The following UBE2E3 variants were observed in gnomAD, a reference collection of about 807,000 sequenced individuals.
UBE2E3 encodes ubiquitin conjugating enzyme E2 E3, also known as ubiquitin-conjugating enzyme E2 E3.
A neutral mutation model predicts 23.6 loss-of-function variants in UBE2E3; 5 were observed. The ratio of observed to expected loss-of-function variants is 0.21; its 90% CI spans 0.11 to 0.44. The LOEUF (loss-of-function observed/expected upper bound fraction) is 0.44, where lower values mean the gene tolerates loss of function less well. Among genes scored for constraint, UBE2E3 ranks in the 20% least tolerant of loss-of-function variants. UBE2E3 has a pLI of 0.99. For missense variants in UBE2E3, 81 were observed against 249.8 expected, an observed-to-expected ratio of 0.32 and a Z score of 4.55; for synonymous variants, 78 against 87.5, an observed-to-expected ratio of 0.89 and a Z score of 0.60.
chr2:181,062,581 TC>T, intron 5 of UBE2E3, among the ~76,000 whole-genome samples: 1 of 59,760 alleles, frequency 1.7e-5, no homozygotes, highest in South Asian at 7.9e-4. Context: ...AGCTCAAAAT[TC>T]ATTTTTTTTT....
intron 3 of UBE2E3, among the ~76,000 whole-genome samples, chr2:181,051,003 T>G (rs888548581): frequency 6.6e-6 from 1 of 151,846 alleles, no homozygotes; most frequent in African/African-American, 2.4e-5. Flanking sequence ...TAAAACTATA[T>G]ATAGTTGAAG....
chr2:181,060,358 C>T (rs1687107979), intron 4 of UBE2E3, among the ~76,000 whole-genome samples: 1 of 151,692 alleles, frequency 6.6e-6, no homozygotes, highest in African/African-American at 2.4e-5. Context: ...TGTACACACA[C>T]AGTTGTATAT....
intron 3 of UBE2E3, among the ~76,000 whole-genome samples, chr2:181,032,014 A>G (rs1686094026): frequency 6.6e-6 from 1 of 152,188 alleles, no homozygotes; most frequent in African/African-American, 2.4e-5. Flanking sequence ...GTATTCTGCA[A>G]TGGAAAACCA....
At chr2:181,041,701 G>C (rs562858140) in intron 3 of UBE2E3, among the ~76,000 whole-genome samples, 1 of 57,906 alleles carries the variant, frequency 1.7e-5, no homozygotes, top group Non-Finnish European at 3.2e-5. Context: ...CTCCCAGAGT[G>C]CTGGGATTGA....
intron 3 of UBE2E3, among the ~76,000 whole-genome samples, chr2:181,046,509 C>T (rs1168992138): frequency 6.6e-6 from 1 of 152,064 alleles, no homozygotes; most frequent in Non-Finnish European, 1.5e-5. Context: ...CTAATCATAG[C>T]CTGTCTTAAA....
At chr2:180,986,053 C>T (rs1231449363) in intron 3 of UBE2E3, among the ~76,000 whole-genome samples, 1 of 152,052 alleles carries the variant, frequency 6.6e-6, no homozygotes, top group East Asian at 1.9e-4. Context: ...CATTTAAGTC[C>T]TTGAAATAAT....
chr2:181,037,494 ATGTT>A (rs1559130714), intron 3 of UBE2E3, among the ~76,000 whole-genome samples: 1 of 152,174 alleles, frequency 6.6e-6, no homozygotes, highest in Non-Finnish European at 1.5e-5. Flanking sequence ...GCTAATGTGT[ATGTT>A]TGTGTCTTAG....
chr2:181,012,660 C>G (rs1237739964), intron 3 of UBE2E3, among the ~76,000 whole-genome samples: 1 of 152,140 alleles, frequency 6.6e-6, no homozygotes, highest in Non-Finnish European at 1.5e-5. Context: ...GCAGTATATT[C>G]TGTGTAAACT....
At chr2:181,006,614 G>A (rs948558441) in intron 3 of UBE2E3, among the ~76,000 whole-genome samples, 1 of 151,958 alleles carries the variant, frequency 6.6e-6, no homozygotes, top group Non-Finnish European at 1.5e-5. Flanking sequence ...TAACTGAGTA[G>A]TTTCTGTTTT....
chr2:181,041,828 T>C (rs4666685), intron 3 of UBE2E3, among the ~76,000 whole-genome samples: 35,318 of 152,036 alleles, frequency 0.23, 4,465 homozygotes, highest in Non-Finnish European at 0.28. Flanking sequence ...CAAACCACTG[T>C]CAGGAGGCAG....
chr2:181,018,751 A>G (rs1449743507), intron 3 of UBE2E3, among the ~76,000 whole-genome samples: 1 of 152,066 alleles, frequency 6.6e-6, no homozygotes, highest in Non-Finnish European at 1.5e-5. Context: ...ATCTTAACAA[A>G]TGACCATAGT....
intron 3 of UBE2E3, among the ~76,000 whole-genome samples, chr2:181,018,907 T>G (rs1194314202): frequency 6.6e-6 from 1 of 152,148 alleles, no homozygotes; most frequent in African/African-American, 2.4e-5. Context: ...TGCTCTCAGA[T>G]TTTTCATTGT....
intron 3 of UBE2E3, among the ~76,000 whole-genome samples, chr2:181,040,987 C>T (rs957800084): frequency 3.3e-5 from 5 of 152,038 alleles, no homozygotes; most frequent in East Asian, 3.9e-4. Flanking sequence ...CAGTGGCTGA[C>T]GCCTGTAATC....
At chr2:180,988,483 T>G (rs913034459) in intron 3 of UBE2E3, among the ~76,000 whole-genome samples, 1 of 152,182 alleles carries the variant, frequency 6.6e-6, no homozygotes, top group Admixed American at 6.5e-5. Flanking sequence ...AATATTATGA[T>G]TGTCCAGTAA....
At chr2:181,012,607 A>G (rs1192301447) in intron 3 of UBE2E3, among the ~76,000 whole-genome samples, 3 of 152,226 alleles carry the variant, frequency 2.0e-5, no homozygotes, top group East Asian at 3.8e-4. Flanking sequence ...TCTCTTTGTT[A>G]TCTATGAAGC....
At chr2:180,981,125 C>T (rs941507398) in intron 1 of UBE2E3, 152 bp downstream of exon 1, 2 of 146,770 alleles carry the variant, frequency 1.4e-5, no homozygotes, top group Non-Finnish European at 3.0e-5. Context: ...CTGCTCGCAT[C>T]ACTTGGCGCC....
chr2:180,992,082 G>GT (rs1415057019), intron 3 of UBE2E3, among the ~76,000 whole-genome samples: 1 of 152,016 alleles, frequency 6.6e-6, no homozygotes, highest in Non-Finnish European at 1.5e-5. Flanking sequence ...TTTTTTACCT[G>GT]TTTCCTAATA....
chr2:181,003,362 A>AGT (rs1248766123), intron 3 of UBE2E3, among the ~76,000 whole-genome samples: 3 of 152,222 alleles, frequency 2.0e-5, no homozygotes, highest in African/African-American at 7.2e-5. Context: ...GTTTCAGATG[A>AGT]CCTCTAATGA....
intron 5 of UBE2E3, among the ~76,000 whole-genome samples, chr2:181,061,942 A>G (rs566724507): frequency 6.6e-6 from 1 of 151,788 alleles, no homozygotes; most frequent in East Asian, 1.9e-4. Context: ...CTCAATGCCC[A>G]TTAATAGATG....
Sources: gnomAD v4.1 joint callset for allele counts (sites outside exome capture counted in the v4.1 genomes callset) on GRCh38, gnomAD v4.1.1 for gene constraint, MANE v1.5 for transcripts, NCBI Gene and HGNC (gene_info 2026-07-23, HGNC 2026-07-21) for gene names.